Variants in SHQ1 observed in about 807,000 individuals in gnomAD.
The protein encoded by SHQ1 is SHQ1, H/ACA ribonucleoprotein assembly factor.
In SHQ1, 49 loss-of-function variants were observed where a neutral mutation model predicts 53.8. The ratio of observed to expected loss-of-function variants is 0.91; its 90% CI spans 0.72 to 1.16. The LOEUF (loss-of-function observed/expected upper bound fraction) is 1.16. SHQ1 is among the 50% of genes most tolerant of loss of function. The probability of loss-of-function intolerance (pLI) is 0.00; values close to 1 mark genes in which losing one functional copy is unlikely to be tolerated. For missense variants in SHQ1, 738 were observed against 683.1 expected (o/e 1.08, Z -0.90); for synonymous variants, 243 against 251.0 (o/e 0.97, Z 0.30).
intron 10 of SHQ1, among the ~76,000 whole-genome samples, chr3:72,760,136 T>A (rs1465606937): frequency 1.3e-5 from 2 of 152,196 alleles, no homozygotes; most frequent in African/African-American, 4.8e-5. Context: ...TTCAAGCACA[T>A]CCCCCATATC....
At chr3:72,752,928 G>A in intron 10 of SHQ1, 1 of 955,128 alleles carries the variant, frequency 1.0e-6, no homozygotes, top group Non-Finnish European at 1.2e-6. Context: ...CTCCCAAAGT[G>A]CTGGGATTAC....
chr3:72,821,373 T>A (rs1707474593), intron 6 of SHQ1, among the ~76,000 whole-genome samples: 2 of 152,206 alleles, frequency 1.3e-5, no homozygotes, highest in Admixed American at 6.5e-5. Flanking sequence ...TTCATCCTCA[T>A]GAAACCAGAG....
chr3:72,749,996 G>A lies in SHQ1; in HGVS notation c.*288C>T, dbSNP rs184503594. On this transcript the variant is annotated 3_prime_UTR_variant, in exon 11 of 11. Transcript: ENST00000325599. ...TCCTGCACAGTTTAAATCATCACTA[G>A]ATTACTTATATTACCCAATACAATG... 2 of 375,816 alleles carry A rather than the reference G, an allele frequency of 5.3e-6. No individual in the cohort carries two copies. The highest frequency in any genetic ancestry group is 9.6e-6 in the Non-Finnish European group (2 of 208,862). 23.3% of individuals were successfully genotyped at this position (375,816 alleles called of 1,614,324 possible).
chr3:72,745,147 GTTTTTTTT>G (rs77261439), downstream of SHQ1, among the ~76,000 whole-genome samples: 2 of 147,438 alleles, frequency 1.4e-5, no homozygotes, highest in African/African-American at 5.0e-5. Flanking sequence ...CAGGAGTCTG[GTTTTTTTT>G]TTTAAATAAT....
At chr3:72,844,176 A>C (rs9882522) in intron 2 of SHQ1, among the ~76,000 whole-genome samples, 183 bp downstream of exon 2, 217 of 152,294 alleles carry the variant, frequency 1.4e-3, no homozygotes, top group African/African-American at 5.0e-3. Flanking sequence ...AATACTTTAA[A>C]AGACTTGTGA....
intron 9 of SHQ1, among the ~76,000 whole-genome samples, chr3:72,802,421 C>A (rs1706817623): frequency 6.6e-6 from 1 of 152,156 alleles, no homozygotes; most frequent in African/African-American, 2.4e-5. Context: ...GCTCCAATGC[C>A]AAACTCTTCA....
At chr3:72,745,928 C>T (rs1378615835), downstream of SHQ1, among the ~76,000 whole-genome samples, 5 of 151,790 alleles carry the variant, frequency 3.3e-5, no homozygotes, top group Admixed American at 2.6e-4. Flanking sequence ...CTGCAATCTC[C>T]GCCTCCCAGG....
chr3:72,848,080 G>A (rs978385807), intron 1 of SHQ1, 118 bp downstream of exon 1: 2 of 1,267,750 alleles, frequency 1.6e-6, no homozygotes, highest in Non-Finnish European at 2.2e-6. Flanking sequence ...AGAAGCTGCG[G>A]AAACGTCGGG....
chr3:72,787,306 C>T (rs1447824280), intron 10 of SHQ1, among the ~76,000 whole-genome samples: 1 of 152,068 alleles, frequency 6.6e-6, no homozygotes. Flanking sequence ...GAACTACCTA[C>T]TTAAAAAAAC....
At chr3:72,811,202 T>C (rs1707111476) in intron 9 of SHQ1, among the ~76,000 whole-genome samples, 2 of 152,254 alleles carry the variant, frequency 1.3e-5, no homozygotes, top group African/African-American at 4.8e-5. Flanking sequence ...TGTGAGTGTG[T>C]GTGCAAACAG....
intron 10 of SHQ1, among the ~76,000 whole-genome samples, chr3:72,780,496 T>C (rs1706048894): frequency 6.6e-6 from 1 of 152,292 alleles, no homozygotes. Flanking sequence ...AGGATAGAAA[T>C]AAAATCTAAA....
intron 4 of SHQ1, among the ~76,000 whole-genome samples, chr3:72,839,257 C>A (rs1340799550): frequency 6.6e-6 from 1 of 152,176 alleles, no homozygotes; most frequent in Non-Finnish European, 1.5e-5. Flanking sequence ...TATCTCTTGG[C>A]CAACAATTGA....
At chr3:72,833,397 T>C (rs1707880202) in intron 4 of SHQ1, among the ~76,000 whole-genome samples, 1 of 151,988 alleles carries the variant, frequency 6.6e-6, no homozygotes, top group Admixed American at 6.6e-5. Flanking sequence ...GCCAAGATCA[T>C]GCCACTGCAC....
Position 72,750,764 on chromosome 3 carries a change from T to C in SHQ1, c.1254A>G (p.Glu418=). 1.9e-6 allele frequency: 3 copies of C among 1,552,090 alleles called. No individual in the cohort carries two copies. Among genetic ancestry groups the C allele is most frequent in the Admixed American group, 2.0e-5 (1 of 51,084 alleles). ...GTGCTGCTGCTTCTAGTTCTTCCAG[T>C]TCTAACCCCAGCTGGGCCTTTGTAA... ...VSLTKAQLGL[E]LEELEAAALL... Residue 418 remains glutamate, a synonymous_variant, in exon 11 of 11, where the codon GAA becomes GAG. Coordinates refer to ENST00000325599, the MANE Select transcript of SHQ1 (RefSeq NM_018130.3).
chr3:72,794,398 T>C (rs1706536771), intron 9 of SHQ1: 1 of 152,222 alleles, frequency 6.6e-6, no homozygotes, highest in Admixed American at 6.5e-5. Flanking sequence ...CAGCAGGTTT[T>C]CCATTTAAGT....
chr3:72,812,241 C>T (rs1171120770), intron 9 of SHQ1, among the ~76,000 whole-genome samples: 1 of 152,180 alleles, frequency 6.6e-6, no homozygotes, highest in Non-Finnish European at 1.5e-5. Flanking sequence ...GAGTACTTTT[C>T]ACTCTCTTTG....
intron 1 of SHQ1, 23 bp downstream of exon 1, chr3:72,848,175 G>A: frequency 6.2e-7 from 1 of 1,613,822 alleles, no homozygotes; most frequent in Non-Finnish European, 8.5e-7. Context: ...CGCCTTTCCT[G>A]CGGCCAGGCA....
intron 9 of SHQ1, among the ~76,000 whole-genome samples, chr3:72,807,310 C>A (rs1408572721): frequency 6.6e-6 from 1 of 152,192 alleles, no homozygotes; most frequent in Non-Finnish European, 1.5e-5. Flanking sequence ...TTGTGTAATT[C>A]TGTGCCCTGT....
intron 1 of SHQ1, among the ~76,000 whole-genome samples, chr3:72,846,017 C>T (rs1053789128): frequency 1.2e-4 from 19 of 152,142 alleles, no homozygotes; most frequent in African/African-American, 3.6e-4. Flanking sequence ...AATCATAAAT[C>T]CCTCTTCTGT....
Sources: gnomAD v4.1 joint callset for allele counts (sites outside exome capture counted in the v4.1 genomes callset) on GRCh38, gnomAD v4.1.1 for gene constraint, MANE v1.5 for transcripts, NCBI Gene and HGNC (gene_info 2026-07-23, HGNC 2026-07-21) for gene names.